Variants in LRRC56 observed in about 807,000 individuals in gnomAD.
The protein encoded by LRRC56 is leucine-rich repeat-containing protein 56.
A neutral mutation model predicts 47.8 loss-of-function variants in LRRC56; 41 were observed. The observed-to-expected ratio is 0.86, with a 90% CI of 0.67 to 1.11. The LOEUF is 1.11. Ranked by LOEUF, LRRC56 falls within the 50% of genes most tolerant of loss-of-function variation. The probability of loss-of-function intolerance (pLI) is 0.00; values close to 1 mark genes in which losing one functional copy is unlikely to be tolerated. For synonymous variants in LRRC56, 387 were observed against 311.2 expected (o/e 1.24, Z -2.56); for missense variants, 759 against 704.2 (o/e 1.08, Z -0.88).
At chr11:534,100 CAG>C (rs1435345310), upstream of LRRC56, 19 of 1,164,792 alleles carry the variant, frequency 1.6e-5, no homozygotes, top group East Asian at 4.3e-4. Flanking sequence ...AAGCAGGAGA[CAG>C]GGCCACAGCA....
chr11:534,187 A>T (rs1008752907), upstream of LRRC56: 3 of 1,564,972 alleles, frequency 1.9e-6, no homozygotes, highest in Non-Finnish European at 1.8e-6. Context: ...AGCTGCTGGC[A>T]CCTGGACGGC....
rs991844245 is a variant in LRRC56 at position 554,131 on chromosome 11, C to T, written c.1484C>T (p.Ala495Val). 6.2e-7 allele frequency: 1 copy of T among 1,603,378 alleles called. No homozygotes were observed. Among genetic ancestry groups the T allele is most frequent in the East Asian group, 2.2e-5 (1 of 44,734 alleles). ...WGPGLGDGVA[A>V]VPVLRALEVA... ...CCTGGCCTGGGTGATGGGGTGGCTG[C>T]AGTGCCTGTCCTGAGAGCCCTGGAG... The change falls in exon 14 of 14, where the codon GCA becomes GTA. Residue 495 changes from alanine to valine, a missense_variant. Ala to Val is a moderately conservative substitution (Grantham distance 64, BLOSUM62 0). Transcript: ENST00000270115.
chr11:536,656 AGCTACTCGG>A (rs1424649223), upstream of LRRC56, among the ~76,000 whole-genome samples: 1 of 152,208 alleles, frequency 6.6e-6, no homozygotes, highest in Admixed American at 6.5e-5. Flanking sequence ...CTGTAGTCCC[AGCTACTCGG>A]GAGGCTGAGG....
the LRRC56 span, among the ~76,000 whole-genome samples, chr11:518,472 G>A: frequency 5.9e-5 from 9 of 151,990 alleles, no homozygotes; most frequent in African/African-American, 2.2e-4. Flanking sequence ...GTGAGCCACC[G>A]CGCCAGGTCA....
chr11:543,264 G>T (rs1851897321), intron 5 of LRRC56, among the ~76,000 whole-genome samples: 1 of 151,826 alleles, frequency 6.6e-6, no homozygotes, highest in Admixed American at 6.6e-5. Context: ...GCCCAGGCTG[G>T]AGTGCAGTGG....
rs1852322533 is a variant in LRRC56, at chr11:550,391, G to A, written c.624+119G>A. The A allele has an allele frequency of 4.2e-6, 4 of 942,740 alleles. No homozygotes were observed. In the South Asian group the frequency reaches 6.9e-5, roughly 16 times the overall value. The allele number at this position is 942,740 out of a possible 1,614,324, so 58.4% of individuals were successfully genotyped here. A position where few individuals can be genotyped will look rare whatever the true frequency, so the allele number is the denominator to read the frequency against. ...TGTGCCCACCCGCACCCTATGGCCT[G>A]CTCACCATGAGTTCACCTCCTCTGT... is the stretch of plus-strand genomic sequence containing the variant. On this transcript the variant is annotated intron_variant, in intron 8 of 13. Coordinates refer to ENST00000270115, the MANE Select transcript of LRRC56 (RefSeq NM_198075.4).
upstream of LRRC56, chr11:533,167 C>A: frequency 2.9e-6 from 3 of 1,030,870 alleles, no homozygotes; most frequent in Non-Finnish European, 4.2e-6. Flanking sequence ...GGGCAGCTCT[C>A]CCCAAGGACC....
chr11:535,786 G>T (rs1020106609), upstream of LRRC56, among the ~76,000 whole-genome samples: 2 of 152,100 alleles, frequency 1.3e-5, no homozygotes, highest in African/African-American at 2.4e-5. Flanking sequence ...AGCCGAGCTC[G>T]GGGTTGCTCG....
At chr11:553,178 G>A (rs1277178362) in intron 13 of LRRC56, among the ~76,000 whole-genome samples, 2 of 152,224 alleles carry the variant, frequency 1.3e-5, no homozygotes, top group South Asian at 2.1e-4. Flanking sequence ...CGCACTTGGG[G>A]ACATAGAATT....
chr11:529,079 G>A, the LRRC56 span: 8 of 152,256 alleles, frequency 5.3e-5, no homozygotes, highest in South Asian at 4.1e-4. Context: ...TGTTCCACAC[G>A]GACTATGAAA....
chr11:553,167 G>A (rs769271149), intron 13 of LRRC56, among the ~76,000 whole-genome samples: 41 of 152,194 alleles, frequency 2.7e-4, no homozygotes, highest in Non-Finnish European at 5.6e-4. Flanking sequence ...AAGATGGCAC[G>A]CGCACTTGGG....
At chr11:523,080 G>A in the LRRC56 span, among the ~76,000 whole-genome samples, 1 of 152,136 alleles carries the variant, frequency 6.6e-6, no homozygotes, top group African/African-American at 2.4e-5. Flanking sequence ...CCAGGCTGGA[G>A]TGCAATGGCG....
chr11:542,366 CG>C, intron 5 of LRRC56, among the ~76,000 whole-genome samples: 1 of 152,048 alleles, frequency 6.6e-6, no homozygotes, highest in African/African-American at 2.4e-5. Context: ...ATCCCAGCAC[CG>C]TGGGAGTCCA....
upstream of LRRC56, chr11:533,957 A>G (rs766582484): frequency 2.5e-6 from 4 of 1,608,416 alleles, no homozygotes; most frequent in Non-Finnish European, 3.4e-6. Flanking sequence ...GCAGGAGGAC[A>G]GGGCTCAGGG....
chr11:554,890 G>C lies in LRRC56; in HGVS notation c.*614G>C. ...TGCGGTTTACTTTGTAGGCCACGTTGGTTCAATAAATGATGCAGCGGACAC... is the reference window on the plus strand; with the variant it reads ...TGCGGTTTACTTTGTAGGCCACGTTCGTTCAATAAATGATGCAGCGGACAC... On this transcript the variant is annotated 3_prime_UTR_variant, in exon 14 of 14. Transcript: ENST00000270115. 1.1e-6 allele frequency: 1 copy of C among 891,414 alleles called. No homozygotes were observed. Among genetic ancestry groups the C allele is most frequent in the Non-Finnish European group, 1.6e-6 (1 of 623,484 alleles). The allele number at this position is 891,414 out of a possible 1,614,324, so 55.2% of individuals were successfully genotyped here.
chr11:534,399 C>G (rs1411050985), upstream of LRRC56: 3 of 1,141,840 alleles, frequency 2.6e-6, no homozygotes, highest in Non-Finnish European at 3.8e-6. Context: ...CCCTGCTCAG[C>G]CAGGCCCAGG....
upstream of LRRC56, among the ~76,000 whole-genome samples, chr11:535,744 G>A (rs1055408768): frequency 3.3e-5 from 5 of 152,146 alleles, no homozygotes; most frequent in Non-Finnish European, 5.9e-5. Flanking sequence ...TAGGGCCGCG[G>A]CCTCTCGGGG....
At chr11:527,907 G>A in the LRRC56 span, among the ~76,000 whole-genome samples, 2 of 151,952 alleles carry the variant, frequency 1.3e-5, no homozygotes, top group Admixed American at 6.6e-5. Flanking sequence ...TCTCCATGTC[G>A]GTCAGGCTAG....
chr11:510,101 C>G, the LRRC56 span, among the ~76,000 whole-genome samples: 1 of 152,044 alleles, frequency 6.6e-6, no homozygotes, highest in African/African-American at 2.4e-5. Context: ...CACATCCAGC[C>G]CCACCAGCCT....
Sources: allele counts gnomAD v4.1 joint callset (sites outside exome capture counted in the v4.1 genomes callset), GRCh38; gene constraint gnomAD v4.1.1; transcripts MANE v1.5; gene names NCBI Gene and HGNC (gene_info 2026-07-23, HGNC 2026-07-21).